NMT2: variants seen among roughly 807,000 people sequenced by gnomAD.
The protein encoded by NMT2 is glycylpeptide N-tetradecanoyltransferase 2.
NMT2 carries 35 observed loss-of-function variants against 65.4 expected under a neutral mutation model. That is an observed-to-expected ratio of 0.54 (90% CI 0.41 to 0.71). The LOEUF (loss-of-function observed/expected upper bound fraction) is 0.71, where lower values mean the gene tolerates loss of function less well. Ranked by LOEUF, NMT2 falls within the 30% of genes least tolerant of loss-of-function variation. The pLI, the probability that NMT2 is intolerant of heterozygous loss-of-function variation, is 0.00. For synonymous variants in NMT2, 226 were observed against 231.8 expected, an observed-to-expected ratio of 0.98 and a Z score of 0.23; for missense variants, 489 against 611.3, an observed-to-expected ratio of 0.80 and a Z score of 2.11.
At chr10:15,113,361 T>G (rs1302867330) in intron 9 of NMT2, among the ~76,000 whole-genome samples, 1 of 147,384 alleles carries the variant, frequency 6.8e-6, no homozygotes, top group Non-Finnish European at 1.5e-5. Context: ...TCCCAGCTAC[T>G]TGGGAGGCTG....
chr10:15,130,115 C>T, intron 7 of NMT2, 27 bp downstream of exon 7: 1 of 1,422,426 alleles, frequency 7.0e-7, no homozygotes, highest in South Asian at 1.8e-5. Flanking sequence ...AAAGGGAGGA[C>T]CTGAGGTAGA....
chr10:15,133,950 A>T, intron 3 of NMT2, among the ~76,000 whole-genome samples: 1 of 152,162 alleles, frequency 6.6e-6, no homozygotes, highest in Non-Finnish European at 1.5e-5. Flanking sequence ...TGACATTACA[A>T]AACAACAGTG....
chr10:15,146,410 C>G (rs1160831365), intron 1 of NMT2, among the ~76,000 whole-genome samples: 12 of 152,230 alleles, frequency 7.9e-5, no homozygotes, highest in Non-Finnish European at 1.5e-5. Flanking sequence ...CAAAACCCAT[C>G]GTTTCTCTCT....
chr10:15,135,846 T>G (rs1409707546), intron 2 of NMT2, among the ~76,000 whole-genome samples: 1 of 133,846 alleles, frequency 7.5e-6, no homozygotes, highest in Non-Finnish European at 1.6e-5. Context: ...ACTTCTAGAA[T>G]GGAAACACAG....
At chr10:15,122,400 T>A (rs1183683091) in intron 8 of NMT2, among the ~76,000 whole-genome samples, 1 of 151,974 alleles carries the variant, frequency 6.6e-6, no homozygotes, top group African/African-American at 2.4e-5. Context: ...TCAAATATTT[T>A]GGTCTTGGGA....
At chr10:15,147,011 T>C (rs1319742319) in intron 1 of NMT2, among the ~76,000 whole-genome samples, 2 of 145,790 alleles carry the variant, frequency 1.4e-5, no homozygotes, top group African/African-American at 5.1e-5. Flanking sequence ...GAGGATCACC[T>C]GAGCCCAGGA....
intron 2 of NMT2, among the ~76,000 whole-genome samples, chr10:15,138,227 T>C (rs1162508883): frequency 1.3e-5 from 2 of 152,126 alleles, no homozygotes; most frequent in East Asian, 3.9e-4. Flanking sequence ...GCCAGCCTGG[T>C]CTTGAACTCC....
chr10:15,125,577 C>G (rs1411548279), intron 8 of NMT2, among the ~76,000 whole-genome samples: 4 of 152,058 alleles, frequency 2.6e-5, no homozygotes, highest in Admixed American at 6.5e-5. Context: ...TTGGAGAGAC[C>G]AAAGTGGAAC....
At chr10:15,162,196 G>T (rs1358638452) in intron 1 of NMT2, among the ~76,000 whole-genome samples, 3 of 148,922 alleles carry the variant, frequency 2.0e-5, no homozygotes, top group Admixed American at 6.8e-5. Context: ...AGGCTGTAGT[G>T]AGCTGAGATT....
intron 3 of NMT2, among the ~76,000 whole-genome samples, chr10:15,133,776 C>G (rs375513117): frequency 6.6e-6 from 1 of 151,980 alleles, no homozygotes; most frequent in African/African-American, 2.4e-5. Flanking sequence ...TTTGTAGAGA[C>G]GGAGTCTCAT....
rs535206384 is a variant in NMT2, at chr10:15,164,053, G to A, written c.110+4450C>T. Among the ~76,000 whole-genome samples the A allele has an allele frequency of 2.0e-5, 3 of 151,830 alleles. No homozygotes were observed. The South Asian group carries it at 6.2e-4, about 32-fold the overall frequency. On this transcript the variant is annotated intron_variant, in intron 1 of 11. Coordinates refer to ENST00000378165, the MANE Select transcript of NMT2 (RefSeq NM_004808.3). ...AAATTAGCCAGGCGTGGTGGCGGGC[G>A]CCTACTGTAGTCCCAGCTACTCCGG...
chr10:15,137,091 C>A (rs1268997912), intron 2 of NMT2, among the ~76,000 whole-genome samples: 1 of 152,024 alleles, frequency 6.6e-6, no homozygotes, highest in Non-Finnish European at 1.5e-5. Context: ...TACAATCGAC[C>A]CTTAGAAGTT....
Position 15,108,290 on chromosome 10 carries a change from G to C in NMT2, c.*905C>G, listed in dbSNP as rs978635096. The C allele has an allele frequency of 1.5e-6, 1 of 683,962 alleles. No individual in the cohort carries two copies. The highest frequency in any genetic ancestry group is 1.4e-4 in the East Asian group (1 of 7,346). 42.4% of individuals were successfully genotyped at this position (683,962 alleles called of 1,614,324 possible). ...GCAACCTCACCTCTCAGGTTCAAGC[G>C]ATTCTCCTGCCTCAGCCTCCCAAGC... On this transcript the variant is annotated 3_prime_UTR_variant, in exon 12 of 12. Transcript: ENST00000378165.
intron 8 of NMT2, among the ~76,000 whole-genome samples, chr10:15,124,205 T>C (rs1264823686): frequency 6.6e-6 from 1 of 152,148 alleles, no homozygotes; most frequent in East Asian, 1.9e-4. Flanking sequence ...AACTTGGAAA[T>C]ACTCAACACC....
chr10:15,156,087 G>A (rs577564715), intron 1 of NMT2, among the ~76,000 whole-genome samples: 50 of 152,302 alleles, frequency 3.3e-4, no homozygotes, highest in African/African-American at 9.9e-4. Flanking sequence ...TGAAACTGCA[G>A]AAAGCAAAAT....
chr10:15,118,862 AACCACAG>A (rs1196864053), intron 9 of NMT2, among the ~76,000 whole-genome samples: 1 of 152,228 alleles, frequency 6.6e-6, no homozygotes, highest in Non-Finnish European at 1.5e-5. Context: ...AGATGGGTCC[AACCACAG>A]ACTCAGCAGC....
At chr10:15,155,331 A>G in intron 1 of NMT2, 2 of 1,106,784 alleles carry the variant, frequency 1.8e-6, no homozygotes, top group Non-Finnish European at 2.7e-6. Flanking sequence ...GGCTGGTAGT[A>G]CAGGGCTCCT....
intron 1 of NMT2, among the ~76,000 whole-genome samples, chr10:15,151,059 C>CTTTTTTTTTTTTTTTTTT (rs200879621): frequency 1.4e-5 from 2 of 139,894 alleles, no homozygotes; most frequent in African/African-American, 5.4e-5. Context: ...TAGCTTCCTC[C>CTTTTTTTTTTTTTTTTTT]TTTTTTTTTT....
At chr10:15,139,977 C>T (rs370947607) in intron 2 of NMT2, among the ~76,000 whole-genome samples, 11 of 144,800 alleles carry the variant, frequency 7.6e-5, no homozygotes, top group African/African-American at 1.3e-4. Flanking sequence ...GATCGAACTG[C>T]GAGTTAGAGA....
Sources: allele counts gnomAD v4.1 joint callset (sites outside exome capture counted in the v4.1 genomes callset), GRCh38; gene constraint gnomAD v4.1.1; transcripts MANE v1.5; gene names NCBI Gene and HGNC (gene_info 2026-07-23, HGNC 2026-07-21).